The following SNAPC3 variants were observed in gnomAD, a reference collection of about 807,000 sequenced individuals.
SNAPC3 encodes snRNA-activating protein complex subunit 3.
A neutral mutation model predicts 47.7 loss-of-function variants in SNAPC3; 56 were observed. The observed-to-expected ratio is 1.18, with a 90% confidence interval of 0.95 to 1.47. The LOEUF is 1.47. Among genes scored for constraint, SNAPC3 ranks in the 40% most tolerant of loss-of-function variants. SNAPC3 has a pLI of 0.00. For synonymous variants in SNAPC3, 235 were observed against 189.9 expected (o/e 1.24, Z -1.95); for missense variants, 665 against 511.3 (o/e 1.30, Z -2.90).
At chr9:15,451,439 T>C in intron 6 of SNAPC3, 37 bp downstream of exon 6, 1 of 988,628 alleles carries the variant, frequency 1.0e-6, no homozygotes, top group Non-Finnish European at 1.5e-6. Flanking sequence ...GTCTTTCCTA[T>C]TTCTAGTTAT....
downstream of SNAPC3, chr9:15,465,493 T>G: frequency 6.7e-7 from 1 of 1,494,626 alleles, no homozygotes; most frequent in Non-Finnish European, 9.2e-7. Flanking sequence ...ACTTCTCAAG[T>G]GTTCTCTATA....
At chr9:15,454,802 T>C (rs7029243) in intron 7 of SNAPC3, among the ~76,000 whole-genome samples, 374 of 152,186 alleles carry the variant, frequency 2.5e-3, no homozygotes, top group African/African-American at 7.9e-3. Context: ...GGCGTGGTGG[T>C]GGGCACCTGT....
At chr9:15,461,650 G>A (rs2035232206), downstream of SNAPC3, 1 of 152,160 alleles carries the variant, frequency 6.6e-6, no homozygotes, top group Admixed American at 6.6e-5. Flanking sequence ...AAATTTGACT[G>A]AATATCTGGA....
chr9:15,432,304 GGT>G (rs1269732381), intron 2 of SNAPC3, among the ~76,000 whole-genome samples: 1 of 152,142 alleles, frequency 6.6e-6, no homozygotes, highest in Non-Finnish European at 1.5e-5. Context: ...TACATGTATA[GGT>G]TAGTATACAT....
intron 2 of SNAPC3, among the ~76,000 whole-genome samples, chr9:15,424,500 A>T (rs1446661894): frequency 6.6e-6 from 1 of 152,224 alleles, no homozygotes; most frequent in Non-Finnish European, 1.5e-5. Flanking sequence ...TTGATAAAAT[A>T]CTATAAAAAG....
In SNAPC3 at chr9:15,424,085, C is replaced by G. The variant is rs552744192; in HGVS notation, c.392+99C>G. 14 of 573,202 alleles carry G rather than the reference C, an allele frequency of 2.4e-5. 1 individual carries two copies. The South Asian group carries it at 3.9e-4, about 16-fold the overall frequency. The allele number at this position is 573,202 out of a possible 1,614,324, so 35.5% of individuals were successfully genotyped here. On this transcript the variant is annotated intron_variant, in intron 2 of 8. Transcript: ENST00000380821. ...TGCAGTATTGATTGTTGTCTGTATA[C>G]CCACCCCTTAAATTCAGCTGTTCTT...
chr9:15,441,837 C>T (rs2131849553), intron 3 of SNAPC3, among the ~76,000 whole-genome samples: 1 of 152,314 alleles, frequency 6.6e-6, no homozygotes, highest in East Asian at 1.9e-4. Context: ...CTATCTTTTC[C>T]CCACATTTCC....
intron 2 of SNAPC3, among the ~76,000 whole-genome samples, chr9:15,424,808 C>T (rs2031137786): frequency 1.3e-5 from 2 of 152,180 alleles, no homozygotes; most frequent in Non-Finnish European, 2.9e-5. Context: ...CGTTCTTGAT[C>T]CTACGCTATT....
chr9:15,465,399 C>T, downstream of SNAPC3: 1 of 865,722 alleles, frequency 1.2e-6, no homozygotes, highest in Non-Finnish European at 1.8e-6. Flanking sequence ...GATTTTCTCC[C>T]TCAAAACAAG....
Position 15,455,668 on chromosome 9 carries a change from A to G in SNAPC3, c.981-2292A>G, listed in dbSNP as rs1018484320. On this transcript the variant is annotated intron_variant, in intron 7 of 8. Coordinates refer to ENST00000380821, the MANE Select transcript of SNAPC3 (RefSeq NM_001039697.2). ...AACATAAGATGGAAGGCAATCCCCT[A>G]TTCTCTCTGATGGCCTTATTTTTCA... Among the ~76,000 whole-genome samples, 12 of 138,792 alleles carry G rather than the reference A, an allele frequency of 8.6e-5. No individual in the cohort carries two copies. The South Asian group carries it at 1.3e-3, about 15-fold the overall frequency. The allele number at this position is 138,792 out of a possible 152,430, so 91.1% of individuals were successfully genotyped here.
chr9:15,448,999 G>A (rs1049873292), intron 5 of SNAPC3, among the ~76,000 whole-genome samples: 2 of 151,878 alleles, frequency 1.3e-5, no homozygotes, highest in Admixed American at 6.6e-5. Context: ...TAGTAGAAAC[G>A]GGGTTTCACC....
intron 3 of SNAPC3, among the ~76,000 whole-genome samples, chr9:15,438,954 A>G (rs1282839356): frequency 1.3e-5 from 2 of 152,176 alleles, no homozygotes; most frequent in Non-Finnish European, 2.9e-5. Context: ...GTCTCCAACT[A>G]TTACCATAGA....
At chr9:15,429,568 A>C (rs2031877761) in intron 2 of SNAPC3, among the ~76,000 whole-genome samples, 1 of 152,202 alleles carries the variant, frequency 6.6e-6, no homozygotes, top group Non-Finnish European at 1.5e-5. Context: ...CAGATAGTAA[A>C]GTGTTAAATA....
chr9:15,431,009 C>T lies in SNAPC3; in HGVS notation c.393-2543C>T, dbSNP rs557929063. On this transcript the variant is annotated intron_variant, in intron 2 of 8. Coordinates refer to ENST00000380821, the MANE Select transcript of SNAPC3 (RefSeq NM_001039697.2). Reference sequence around the variant, plus strand: ...TTTTGCCAACTAGCACATCCTTAAGCTTTGTCAGTGAAGGGCAATGGAGAG... The same window carrying T: ...TTTTGCCAACTAGCACATCCTTAAGTTTTGTCAGTGAAGGGCAATGGAGAG... 1.1e-4 allele frequency among the ~76,000 whole-genome samples: 17 copies of T among 152,282 alleles called. No individual in the cohort carries two copies. In the South Asian group the frequency reaches 3.5e-3, roughly 32 times the overall value.
Position 15,461,147 on chromosome 9 carries a change from A to T in SNAPC3, c.*1281A>T, listed in dbSNP as rs2035185766. On this transcript the variant is annotated 3_prime_UTR_variant, in exon 9 of 9. Coordinates refer to ENST00000380821, the MANE Select transcript of SNAPC3 (RefSeq NM_001039697.2). ...TCTCATCTTATTCTGAGGAAAAAAA[A>T]AAAAACCAAAACTTTTTAAACTTAT... 6.6e-6 allele frequency: 1 copy of T among 151,726 alleles called. No individual in the cohort carries two copies. The highest frequency in any genetic ancestry group is 2.1e-4 in the South Asian group (1 of 4,822). 9.4% of individuals were successfully genotyped at this position (151,726 alleles called of 1,614,324 possible).
At chr9:15,427,636 G>A (rs537791099) in intron 2 of SNAPC3, among the ~76,000 whole-genome samples, 9 of 152,052 alleles carry the variant, frequency 5.9e-5, no homozygotes, top group African/African-American at 1.5e-4. Flanking sequence ...CGTGAGCCAC[G>A]ACGCCCAGCC....
chr9:15,449,741 T>A (rs1563851398), intron 5 of SNAPC3, among the ~76,000 whole-genome samples: 1 of 151,348 alleles, frequency 6.6e-6, no homozygotes, highest in Non-Finnish European at 1.5e-5. Context: ...CGGCTAATTT[T>A]TGTATTTTTA....
chr9:15,444,679 T>G lies in SNAPC3; in HGVS notation c.555T>G (p.Asn185Lys), dbSNP rs752493529. ...AAGGGGAGCTTATCCTATCTGTGAA[T>G]ATCTTGTACCCTGTTATATTTCATA... ...IEEGELILSV[N>K]ILYPVIFHKH... Residue 185 changes from asparagine (N) to lysine (K), a missense_variant, in exon 4 of 9, where the codon AAT becomes AAG. Transcript: ENST00000380821. The G allele has an allele frequency of 7.5e-6, 12 of 1,605,202 alleles. 1 individual carries two copies. In the South Asian group the frequency reaches 1.3e-4, roughly 18 times the overall value.
At position 15,461,079 on chromosome 9, in the gene SNAPC3, T is replaced by A. The variant is rs1453379906; in HGVS notation, c.*1213T>A. ...AAAAAATAAGTTTTCCTGGCCCAGG[T>A]CTTCCATTCTTCTGGTCCCCTTACT... is the stretch of plus-strand genomic sequence containing the variant. On this transcript the variant is annotated 3_prime_UTR_variant, in exon 9 of 9. Transcript: ENST00000380821. 1 of 151,916 alleles carries A rather than the reference T, an allele frequency of 6.6e-6. No individual in the cohort carries two copies. Among genetic ancestry groups the A allele is most frequent in the African/African-American group, 2.4e-5 (1 of 41,388 alleles). 9.4% of individuals were successfully genotyped at this position (151,916 alleles called of 1,614,324 possible). A position where few individuals can be genotyped will look rare whatever the true frequency, so the allele number is the denominator to read the frequency against.
Sources: gnomAD v4.1 joint callset for allele counts (sites outside exome capture counted in the v4.1 genomes callset) on GRCh38, gnomAD v4.1.1 for gene constraint, MANE v1.5 for transcripts, NCBI Gene and HGNC (gene_info 2026-07-23, HGNC 2026-07-21) for gene names.